RAD51B: variants seen among roughly 807,000 people sequenced by gnomAD.
RAD51B encodes RAD51 paralog B.
In RAD51B, 38 loss-of-function variants were observed where a neutral mutation model predicts 42.2. The ratio of observed to expected loss-of-function variants is 0.90; its 90% CI spans 0.70 to 1.18. RAD51B has a LOEUF of 1.18. Among genes scored for constraint, RAD51B ranks in the 50% most tolerant of loss-of-function variants. RAD51B has a pLI of 0.00. For synonymous variants in RAD51B, 154 were observed against 145.2 expected (o/e 1.06, Z -0.43); for missense variants, 373 against 400.7 (o/e 0.93, Z 0.59).
intron 8 of RAD51B, among the ~76,000 whole-genome samples, chr14:68,409,613 G>T (rs1240436355): frequency 6.6e-6 from 1 of 152,206 alleles, no homozygotes; most frequent in Non-Finnish European, 1.5e-5. Context: ...TTTATCAACT[G>T]CTGACAAGAG....
downstream of RAD51B, among the ~76,000 whole-genome samples, chr14:68,479,132 C>T (rs1392775501): frequency 3.3e-5 from 5 of 152,140 alleles, no homozygotes; most frequent in Admixed American, 3.3e-4. Context: ...CAGGCTGTGA[C>T]CATGTGTCTC....
chr14:68,173,979 G>A (rs2078918900), intron 7 of RAD51B, among the ~76,000 whole-genome samples: 1 of 152,190 alleles, frequency 6.6e-6, no homozygotes, highest in Non-Finnish European at 1.5e-5. Flanking sequence ...TTATGGCACT[G>A]AGTAGCCCAA....
chr14:68,431,515 C>A (rs1404567506), intron 9 of RAD51B, among the ~76,000 whole-genome samples: 1 of 152,190 alleles, frequency 6.6e-6, no homozygotes, highest in Non-Finnish European at 1.5e-5. Context: ...TCCATTTCTT[C>A]TAGATTTTCT....
chr14:68,347,299 T>A (rs541360812), intron 8 of RAD51B, among the ~76,000 whole-genome samples: 1 of 152,364 alleles, frequency 6.6e-6, no homozygotes, highest in South Asian at 2.1e-4. Context: ...TTTTGTTAGC[T>A]GCATTCCTTT....
chr14:68,060,296 AC>A (rs1222975396), intron 7 of RAD51B, among the ~76,000 whole-genome samples: 1 of 152,200 alleles, frequency 6.6e-6, no homozygotes, highest in Non-Finnish European at 1.5e-5. Flanking sequence ...TTTTGTAGTT[AC>A]CACAACTATT....
At chr14:68,119,709 A>G (rs1325996440) in intron 7 of RAD51B, among the ~76,000 whole-genome samples, 2 of 151,250 alleles carry the variant, frequency 1.3e-5, no homozygotes, top group Admixed American at 6.6e-5. Context: ...TTCTTAATCC[A>G]GTCTATCATT....
rs35608268 is a variant in RAD51B at position 67,941,756 on chromosome 14, T to G, written c.756+54552T>G. Among the ~76,000 whole-genome samples the G allele has an allele frequency of 5.6e-3, 859 of 152,302 alleles. 4 individuals are homozygous for G. Among genetic ancestry groups the G allele is most frequent in the South Asian group, 0.013 (64 of 4,832 alleles). On this transcript the variant is annotated intron_variant, in intron 7 of 10. Coordinates refer to ENST00000471583, the MANE Select transcript of RAD51B (RefSeq NM_133510.4). Reference sequence around the variant, plus strand: ...CCTTTTGGCTAGGGGTCTGCTAAAGTGGAAAAAGTGGGAAAGGATGTACAG... The same window carrying G: ...CCTTTTGGCTAGGGGTCTGCTAAAGGGGAAAAAGTGGGAAAGGATGTACAG...
At chr14:68,160,029 A>T (rs190004985) in intron 7 of RAD51B, among the ~76,000 whole-genome samples, 1 of 152,176 alleles carries the variant, frequency 6.6e-6, no homozygotes, top group Admixed American at 6.5e-5. Context: ...CATTTGAAAC[A>T]TGTGAGAACA....
chr14:68,416,866 G>A (rs1431637126), intron 9 of RAD51B, among the ~76,000 whole-genome samples: 1 of 152,154 alleles, frequency 6.6e-6, no homozygotes, highest in Non-Finnish European at 1.5e-5. Context: ...GCTGCTTTCA[G>A]GGACCAGATA....
rs760839469 is a variant in RAD51B, at chr14:68,450,407, C to T, written c.958-17765C>T. On this transcript the variant is annotated intron_variant, in intron 9 of 10. Coordinates refer to ENST00000471583, the MANE Select transcript of RAD51B (RefSeq NM_133510.4). ...CTAATTTTTGTATTTTTAGTAGAGA[C>T]GGGGTTTCGCCCTGTTGACCAGGCT... is the stretch of plus-strand genomic sequence containing the variant. Among the ~76,000 whole-genome samples, 67 of 152,036 alleles carry T rather than the reference C, an allele frequency of 4.4e-4. 1 individual carries two copies. Among genetic ancestry groups the T allele is most frequent in the Admixed American group, 1.4e-3 (22 of 15,250 alleles).
intron 10 of RAD51B, chr14:68,540,485 T>A (rs144113046): frequency 4.1e-6 from 4 of 985,248 alleles, no homozygotes; most frequent in Non-Finnish European, 4.8e-6. Flanking sequence ...AGAGACTTAT[T>A]TATTGCTCAG....
chr14:68,547,830 G>A (rs1431332998), intron 10 of RAD51B, among the ~76,000 whole-genome samples: 4 of 152,202 alleles, frequency 2.6e-5, no homozygotes, highest in East Asian at 1.9e-4. Flanking sequence ...CCTCCAGAAC[G>A]AAAGCACCCA....
intron 7 of RAD51B, among the ~76,000 whole-genome samples, chr14:68,267,499 A>G (rs759781371): frequency 3.3e-5 from 5 of 152,178 alleles, no homozygotes; most frequent in Non-Finnish European, 5.9e-5. Context: ...TTCAAATGAA[A>G]GAATTTGTGT....
chr14:68,341,542 A>G (rs1482016420), intron 8 of RAD51B, among the ~76,000 whole-genome samples: 1 of 152,218 alleles, frequency 6.6e-6, no homozygotes, highest in East Asian at 1.9e-4. Flanking sequence ...GCGAAGGCTA[A>G]GAAGTGGATC....
chr14:68,315,558 A>G (rs754381091), intron 8 of RAD51B, among the ~76,000 whole-genome samples: 10 of 152,072 alleles, frequency 6.6e-5, no homozygotes, highest in African/African-American at 1.4e-4. Context: ...GTCTCACTCT[A>G]TCACCCAGGC....
At chr14:68,025,476 C>CTTTT (rs765471138) in intron 7 of RAD51B, among the ~76,000 whole-genome samples, 62 of 40,910 alleles carry the variant, frequency 1.5e-3, no homozygotes, top group Non-Finnish European at 2.1e-3. Flanking sequence ...CTGGTCTAGG[C>CTTTT]TTTTTTTTTT....
intron 5 of RAD51B, among the ~76,000 whole-genome samples, chr14:67,869,098 C>T (rs370876145): frequency 3.3e-5 from 5 of 152,008 alleles, no homozygotes; most frequent in East Asian, 1.9e-4. Context: ...ATGACTTTGA[C>T]GAGCTGAGAG....
At chr14:68,060,328 A>G (rs1053928447) in intron 7 of RAD51B, among the ~76,000 whole-genome samples, 2 of 152,228 alleles carry the variant, frequency 1.3e-5, no homozygotes, top group Non-Finnish European at 2.9e-5. Flanking sequence ...TTGGTATAGC[A>G]GTAAGTGGCC....
intron 7 of RAD51B, among the ~76,000 whole-genome samples, chr14:68,277,909 A>G (rs776470786): frequency 6.6e-6 from 1 of 152,134 alleles, no homozygotes; most frequent in Non-Finnish European, 1.5e-5. Context: ...TGCCTGGCTA[A>G]TTTTTGTATT....
Sources: allele counts gnomAD v4.1 joint callset (sites outside exome capture counted in the v4.1 genomes callset), GRCh38; gene constraint gnomAD v4.1.1; transcripts MANE v1.5; gene names NCBI Gene and HGNC (gene_info 2026-07-23, HGNC 2026-07-21).